PFAS: variants seen among roughly 807,000 people sequenced by gnomAD.
PFAS encodes FGAM synthase.
PFAS carries 97 observed loss-of-function variants against 140.6 expected under a neutral mutation model. The ratio of observed to expected loss-of-function variants is 0.69; its 90% CI spans 0.59 to 0.82. The LOEUF (loss-of-function observed/expected upper bound fraction) is 0.82, where lower values mean the gene tolerates loss of function less well. PFAS is among the 40% of genes least tolerant of loss of function. PFAS has a pLI of 0.00. For synonymous variants in PFAS, 679 were observed against 718.8 expected (o/e 0.94, Z 0.88); for missense variants, 1,656 against 1,780.2 (o/e 0.93, Z 1.26).
Position 8,267,171 on chromosome 17 carries a change from G to A in PFAS, c.3111G>A (p.Glu1037=), listed in dbSNP as rs774684166. The A allele has an allele frequency of 1.9e-6, 3 of 1,608,308 alleles. No homozygotes were observed. Among genetic ancestry groups the A allele is most frequent in the Non-Finnish European group, 2.5e-6 (3 of 1,177,970 alleles). The change falls in exon 24 of 28, where the codon GAG becomes GAA. Residue 1037 remains glutamate, a synonymous_variant. Transcript: ENST00000314666. This position sits in a 1 kb window ranked among gnomAD's most constrained non-coding sequence, Gnocchi z 4.9. ...CVAEEERGLR[E]RMGPSYCLPP... is the part of the protein sequence containing the mutation. ...CAGAGGAGGAACGGGGCCTGAGGGA[G>A]CGGATGGGGCCCAGCTATTGCCTGC... is the stretch of plus-strand genomic sequence containing the variant.
At chr17:8,268,501 T>C in intron 26 of PFAS, 32 bp from the exon 27 acceptor site, 1 of 1,549,462 alleles carries the variant, frequency 6.5e-7, no homozygotes, top group Non-Finnish European at 8.9e-7. Context: ...AGGTCCTCCA[T>C]GTCTCACCCT....
chr17:8,255,035 TCTC>T lies in PFAS; in HGVS notation c.289_291del (p.Ser97del). On this transcript the variant is annotated inframe_deletion, in exon 4 of 28. Transcript: ENST00000314666. ...TCAGGCCCATTGTTCAGGCTGAACT[TCTC>T]CACCCCAACATCCACCAACATCGTG... 1 of 1,613,550 alleles carries T rather than the reference TCTC, an allele frequency of 6.2e-7. No homozygotes were observed. The highest frequency in any genetic ancestry group is 8.5e-7 in the Non-Finnish European group (1 of 1,179,592).
chr17:8,263,244 G>C lies in PFAS; in HGVS notation c.1546G>C (p.Asp516His), dbSNP rs757271254. The change falls in exon 13 of 28, where the codon GAT (aspartate) becomes CAT (histidine). Residue 516 changes from aspartate to histidine, a missense_variant. This residue lies in a region of PFAS where 773 missense variants were observed against 757.3 expected (regional missense o/e 1.02). Coordinates refer to ENST00000314666, the MANE Select transcript of PFAS (RefSeq NM_012393.3). ...GGGAAACCCCATCTGCAGCCTTCAT[G>C]ATCAGGGCGCTGGTGGCAATGGTGA... ...PKGNPICSLHDQGAGGNGNVL... is the reference protein window; with the variant it reads ...PKGNPICSLHHQGAGGNGNVL... The C allele has an allele frequency of 3.1e-6, 5 of 1,614,206 alleles. No individual in the cohort carries two copies. The highest frequency in any genetic ancestry group is 4.2e-6 in the Non-Finnish European group (5 of 1,180,046).
At position 8,267,852 on chromosome 17, in the gene PFAS, G is replaced by A. The variant is rs1989881659; in HGVS notation, c.3382+187G>A. ...TTTTTAATTTTTTCATTGAAAAAAA[G>A]TATATATATACACATATGTAATTAA... On this transcript the variant is annotated intron_variant, in intron 26 of 27. Coordinates refer to ENST00000314666, the MANE Select transcript of PFAS (RefSeq NM_012393.3). This position sits in a 1 kb window ranked among gnomAD's most constrained non-coding sequence, Gnocchi z 4.9. 6.8e-6 allele frequency among the ~76,000 whole-genome samples: 1 copy of A among 146,278 alleles called. No individual in the cohort carries two copies. Among genetic ancestry groups the A allele is most frequent in the African/African-American group, 2.5e-5 (1 of 39,750 alleles).
At chr17:8,260,348 G>A (rs1264623904) in intron 11 of PFAS, among the ~76,000 whole-genome samples, 1 of 152,168 alleles carries the variant, frequency 6.6e-6, no homozygotes, top group Admixed American at 6.6e-5. Flanking sequence ...GTGGTCTGTT[G>A]TTAAGCAAAA....
intron 11 of PFAS, among the ~76,000 whole-genome samples, chr17:8,258,846 G>A (rs556704487): frequency 8.1e-4 from 123 of 152,204 alleles, no homozygotes; most frequent in African/African-American, 2.5e-3. Flanking sequence ...AATTAGCCAG[G>A]TGTGGTGGCG....
Position 8,265,872 on chromosome 17 carries a change from CTA to C in PFAS, c.2558_2559del (p.Tyr853CysfsTer33). On this transcript the variant is annotated frameshift_variant, in exon 21 of 28. Transcript: ENST00000314666. LOFTEE classifies it high-confidence loss of function. Reference sequence around the variant, plus strand: ...TCCCCGTCTCCCCAGGCCATCTGCTCTATGTGGCTCTGAGCCCTGGGCAGCAC... The same window carrying C: ...TCCCCGTCTCCCCAGGCCATCTGCTCTGTGGCTCTGAGCCCTGGGCAGCAC... Reference protein sequence around the residue: ...KHPEGRGHLLYVALSPGQHRL... With the variant: ...KHPEGRGHLLXVALSPGQHRL... 1 of 1,605,762 alleles carries C rather than the reference CTA, an allele frequency of 6.2e-7. No individual in the cohort carries two copies. Among genetic ancestry groups the C allele is most frequent in the Non-Finnish European group, 8.5e-7 (1 of 1,175,592 alleles).
At chr17:8,253,608 C>T (rs1375072850) in intron 1 of PFAS, among the ~76,000 whole-genome samples, 1 of 152,132 alleles carries the variant, frequency 6.6e-6, no homozygotes, top group African/African-American at 2.4e-5. Context: ...GGCGCGATCT[C>T]GGCTCACTGC....
At position 8,269,096 on chromosome 17, in the gene PFAS, C is replaced by A. The variant is rs1175332805; in HGVS notation, c.3849C>A (p.Gly1283=). The change falls in exon 28 of 28, where the codon GGC becomes GGA. Residue 1283 remains glycine (G), a synonymous_variant. Coordinates refer to ENST00000314666, the MANE Select transcript of PFAS (RefSeq NM_012393.3). ...ATGGGTCCCCAGGGGGCGTGGCTGG[C>A]ATCTGCTCCTGTGATGGCCGCCACC... ...NPNGSPGGVA[G]ICSCDGRHLA... The A allele has an allele frequency of 6.2e-7, 1 of 1,614,078 alleles. No individual in the cohort carries two copies. Among genetic ancestry groups the A allele is most frequent in the Non-Finnish European group, 8.5e-7 (1 of 1,180,040 alleles).
At chr17:8,268,187 A>G (rs1340345139) in intron 26 of PFAS, among the ~76,000 whole-genome samples, 1 of 144,068 alleles carries the variant, frequency 6.9e-6, no homozygotes, top group Non-Finnish European at 1.5e-5. Flanking sequence ...TCATCCTCCC[A>G]AGTAGCTGGG....
intron 1 of PFAS, chr17:8,249,621 A>G (rs1806093685): frequency 6.6e-6 from 1 of 152,338 alleles, no homozygotes; most frequent in South Asian, 2.1e-4. Flanking sequence ...ATCAGGCACC[A>G]TGCTGGTCAT....
In PFAS at chr17:8,264,950, A is replaced by C; in HGVS notation, c.2105A>C (p.Gln702Pro). 1 of 1,610,420 alleles carries C rather than the reference A, an allele frequency of 6.2e-7. No homozygotes were observed. The highest frequency in any genetic ancestry group is 1.3e-5 in the African/African-American group (1 of 74,990). ...CAGCAGCAGTGCGTGGGGCCCCTGC[A>C]AACTCCTCTGGCAGATGTAGCGGTT... Reference protein sequence around the residue: ...VAQQQCVGPLQTPLADVAVVA... With the variant: ...VAQQQCVGPLPTPLADVAVVA... The change falls in exon 18 of 28, where the codon CAA (glutamine) becomes CCA (proline). Residue 702 changes from glutamine to proline, a missense_variant. Physicochemically the swap from Gln to Pro is moderately conservative, Grantham distance 76. This residue lies in a region of PFAS where 883 missense variants were observed against 1,023.0 expected (regional missense o/e 0.86). Coordinates refer to ENST00000314666, the MANE Select transcript of PFAS (RefSeq NM_012393.3).
chr17:8,268,010 A>G (rs931648899), intron 26 of PFAS, among the ~76,000 whole-genome samples: 23 of 138,302 alleles, frequency 1.7e-4, no homozygotes, highest in African/African-American at 5.1e-4. Flanking sequence ...TATTATTTAT[A>G]TATATTATTT....
At position 8,267,607 on chromosome 17, in the gene PFAS, C is replaced by T; in HGVS notation, c.3324C>T (p.Phe1108=). ...CTGGGGCAATTGGGCTGGACACTTT[C>T]CGTGGCGTGGCCTTCGTGGGCGGCT... The part of the protein sequence containing the change: ...LCSGAIGLDT[F]RGVAFVGGFS... Residue 1108 remains phenylalanine, a synonymous_variant, in exon 26 of 28, where the codon TTC becomes TTT. Transcript: ENST00000314666. This position sits in a 1 kb window ranked among gnomAD's most constrained non-coding sequence, Gnocchi z 4.9. The T allele has an allele frequency of 3.1e-6, 5 of 1,613,592 alleles. No individual in the cohort carries two copies. Among genetic ancestry groups the T allele is most frequent in the Non-Finnish European group, 4.2e-6 (5 of 1,179,538 alleles).
Position 8,269,716 on chromosome 17 carries a change from T to C in PFAS, c.*452T>C. 6.0e-6 allele frequency: 1 copy of C among 166,080 alleles called. No homozygotes were observed. Among genetic ancestry groups the C allele is most frequent in the South Asian group, 1.6e-4 (1 of 6,268 alleles). 10.3% of individuals were successfully genotyped at this position (166,080 alleles called of 1,614,324 possible). ...TGCAGATCAGCCCCTCACCACCTCA[T>C]TGTTCTCATCTGGAACTGAAACTTT... On this transcript the variant is annotated 3_prime_UTR_variant, in exon 28 of 28. Coordinates refer to ENST00000314666, the MANE Select transcript of PFAS (RefSeq NM_012393.3).
chr17:8,248,008 G>T, upstream of PFAS: 2 of 1,577,602 alleles, frequency 1.3e-6, no homozygotes, highest in South Asian at 2.2e-5. Flanking sequence ...ACTCACGGAG[G>T]AAGGGACCTG....
rs1458356723 is a variant in PFAS at position 8,269,086 on chromosome 17, G to C, written c.3839G>C (p.Gly1280Ala). The C allele has an allele frequency of 1.9e-6, 3 of 1,614,196 alleles. No homozygotes were observed. The highest frequency in any genetic ancestry group is 2.5e-6 in the Non-Finnish European group (3 of 1,180,032). Residue 1280 changes from glycine (G) to alanine (A), a missense_variant, in exon 28 of 28, where the codon GGC (glycine) becomes GCC (alanine). Around this residue, in one of 2 missense-constraint regions of PFAS, gnomAD observed 883 missense variants for 1,023.0 expected, o/e 0.86. Coordinates refer to ENST00000314666, the MANE Select transcript of PFAS (RefSeq NM_012393.3). ...YPLNPNGSPGGVAGICSCDGR... is the reference protein window; with the variant it reads ...YPLNPNGSPGAVAGICSCDGR... ...CTGAATCCCAATGGGTCCCCAGGGG[G>C]CGTGGCTGGCATCTGCTCCTGTGAT...
Position 8,268,712 on chromosome 17 carries a change from G to T in PFAS, c.3562G>T (p.Ala1188Ser), listed in dbSNP as rs747220432. Residue 1188 changes from alanine (A) to serine (S), a missense_variant, in exon 27 of 28, where the codon GCC becomes TCC. Transcript: ENST00000314666. Reference protein sequence around the residue: ...AAEMGPDSQPARPGLLLRHNL... With the variant: ...AAEMGPDSQPSRPGLLLRHNL... ...AGAGATGGGCCCTGACTCCCAGCCA[G>T]CCCGGCCAGGCCTTCTGCTACGCCA... 2 of 1,612,984 alleles carry T rather than the reference G, an allele frequency of 1.2e-6. No individual in the cohort carries two copies.
Position 8,254,023 on chromosome 17 carries a change from A to G in PFAS, c.86A>G (p.Lys29Arg), listed in dbSNP as rs776708331. 6.2e-7 allele frequency: 1 copy of G among 1,614,034 alleles called. No homozygotes were observed. Among genetic ancestry groups the G allele is most frequent in the African/African-American group, 1.3e-5 (1 of 74,912 alleles). Residue 29 changes from lysine to arginine, a missense_variant, in exon 2 of 28, where the codon AAA becomes AGA. Around this residue, in one of 2 missense-constraint regions of PFAS, gnomAD observed 773 missense variants for 757.3 expected, o/e 1.02. Transcript: ENST00000314666. ...PGHTRRKLQGKLPELQGVETE... is the reference protein window; with the variant it reads ...PGHTRRKLQGRLPELQGVETE... ...CACACTCGGAGGAAACTGCAAGGGA[A>G]ACTGCCAGAGCTGCAGGGCGTCGAG...
Sources: allele counts gnomAD v4.1 joint callset (sites outside exome capture counted in the v4.1 genomes callset), GRCh38; gene constraint gnomAD v4.1.1; regional missense constraint gnomAD v4.1.1; non-coding constraint Gnocchi (gnomAD v3.1); transcripts MANE v1.5; gene names NCBI Gene and HGNC (gene_info 2026-07-23, HGNC 2026-07-21).